NRG3: variants seen among roughly 807,000 people sequenced by gnomAD.
NRG3 encodes pro-neuregulin-3, membrane-bound isoform.
In NRG3, 31 loss-of-function variants were observed where a neutral mutation model predicts 66.9. The observed-to-expected ratio is 0.46, with a 90% CI of 0.35 to 0.63. NRG3 has a LOEUF of 0.63. Ranked by LOEUF, NRG3 falls within the 20% of genes least tolerant of loss-of-function variation. NRG3 has a pLI of 0.00. For synonymous variants in NRG3, 393 were observed against 359.4 expected (o/e 1.09, Z -1.06); for missense variants, 910 against 878.9 (o/e 1.04, Z -0.45).
chr10:81,958,662 G>A (rs1486998028), intron 1 of NRG3, among the ~76,000 whole-genome samples: 3 of 152,170 alleles, frequency 2.0e-5, no homozygotes, highest in African/African-American at 7.2e-5. Flanking sequence ...CGCCGAGGTG[G>A]GTGGATCACC....
At chr10:81,877,783 T>G (rs1841807303) in intron 1 of NRG3, 1 of 1,371,232 alleles carries the variant, frequency 7.3e-7, no homozygotes, top group African/African-American at 1.5e-5. Context: ...CAGTCATTTT[T>G]GAGAGCACAT....
At chr10:82,402,103 A>G (rs1053806182) in intron 2 of NRG3, among the ~76,000 whole-genome samples, 2 of 152,142 alleles carry the variant, frequency 1.3e-5, no homozygotes, top group Non-Finnish European at 2.9e-5. Flanking sequence ...ATCTTTAGAA[A>G]GAAAGCATTT....
chr10:81,912,424 G>T (rs1333664858), intron 1 of NRG3, among the ~76,000 whole-genome samples: 1 of 152,136 alleles, frequency 6.6e-6, no homozygotes, highest in East Asian at 1.9e-4. Context: ...GTCTCCTTAT[G>T]TTTCCCAGGC....
intron 1 of NRG3, among the ~76,000 whole-genome samples, chr10:82,012,210 A>G (rs1266545988): frequency 6.6e-6 from 1 of 152,160 alleles, no homozygotes. Context: ...GGAAGCTGCC[A>G]TGGCTTGGGA....
intron 1 of NRG3, among the ~76,000 whole-genome samples, chr10:82,156,631 C>T (rs1328344492): frequency 6.6e-6 from 1 of 151,540 alleles, no homozygotes; most frequent in Non-Finnish European, 1.5e-5. Context: ...AGTGAATTTC[C>T]AGAATTGGAA....
intron 1 of NRG3, among the ~76,000 whole-genome samples, chr10:82,013,841 A>T (rs1233448805): frequency 1.3e-5 from 2 of 152,208 alleles, no homozygotes; most frequent in African/African-American, 4.8e-5. Context: ...TCTAAAAAGA[A>T]CAAAAATAAT....
At chr10:82,321,392 G>A (rs192589256) in intron 1 of NRG3, among the ~76,000 whole-genome samples, 10 of 152,140 alleles carry the variant, frequency 6.6e-5, no homozygotes, top group Admixed American at 2.0e-4. Context: ...CAAAACCTGC[G>A]TTGAGCACCT....
intron 2 of NRG3, among the ~76,000 whole-genome samples, chr10:82,717,261 A>G (rs2057028210): frequency 6.6e-6 from 1 of 152,138 alleles, no homozygotes; most frequent in Non-Finnish European, 1.5e-5. Context: ...AATTTTTTAT[A>G]GTGAAAAGTG....
At chr10:82,702,584 G>A (rs2055968133) in intron 2 of NRG3, among the ~76,000 whole-genome samples, 1 of 152,140 alleles carries the variant, frequency 6.6e-6, no homozygotes, top group South Asian at 2.1e-4. Context: ...TGAGAAGTTG[G>A]AGTGAGGCAG....
intron 2 of NRG3, among the ~76,000 whole-genome samples, chr10:82,545,783 C>CTTTT (rs1002975772): frequency 2.2e-4 from 20 of 91,444 alleles, no homozygotes; most frequent in Non-Finnish European, 2.9e-4. Flanking sequence ...AATATCAACT[C>CTTTT]TTTTTTTTTT....
intron 4 of NRG3, among the ~76,000 whole-genome samples, chr10:82,879,048 CCTCT>C (rs1459299489): frequency 2.0e-5 from 3 of 152,166 alleles, no homozygotes; most frequent in Non-Finnish European, 4.4e-5. Flanking sequence ...AGAGACTTAG[CCTCT>C]CTATTTTATG....
chr10:81,926,825 T>A (rs2132938327), intron 1 of NRG3, among the ~76,000 whole-genome samples: 1 of 152,314 alleles, frequency 6.6e-6, no homozygotes, highest in South Asian at 2.1e-4. Flanking sequence ...TGACTGCCAC[T>A]TATTAGTCAC....
At chr10:82,539,888 TC>T (rs2043414105) in intron 2 of NRG3, among the ~76,000 whole-genome samples, 1 of 152,176 alleles carries the variant, frequency 6.6e-6, no homozygotes, top group Admixed American at 6.5e-5. Context: ...CACCTTGGCC[TC>T]GCAAAGTGCT....
chr10:82,883,804 A>C (rs1451153434), intron 4 of NRG3, among the ~76,000 whole-genome samples: 4 of 152,162 alleles, frequency 2.6e-5, no homozygotes, highest in Non-Finnish European at 4.4e-5. Flanking sequence ...CTTAGTTGAG[A>C]GAATGCATGT....
intron 1 of NRG3, among the ~76,000 whole-genome samples, chr10:82,257,219 C>T (rs2077778930): frequency 6.6e-6 from 1 of 152,092 alleles, no homozygotes; most frequent in South Asian, 2.1e-4. Context: ...GCGTACCTCT[C>T]TGGAAGGTCT....
At chr10:82,165,190 T>G (rs1485083945) in intron 1 of NRG3, among the ~76,000 whole-genome samples, 1 of 152,144 alleles carries the variant, frequency 6.6e-6, no homozygotes, top group Non-Finnish European at 1.5e-5. Flanking sequence ...GTGGTAGCTT[T>G]TCAATAAATC....
At chr10:82,739,320 T>G (rs1008651632) in intron 3 of NRG3, among the ~76,000 whole-genome samples, 3 of 152,236 alleles carry the variant, frequency 2.0e-5, no homozygotes, top group African/African-American at 7.2e-5. Context: ...ATGTTTATCT[T>G]TAAAGAATTC....
At chr10:82,373,126 A>G (rs1351438086) in intron 2 of NRG3, among the ~76,000 whole-genome samples, 4 of 152,180 alleles carry the variant, frequency 2.6e-5, no homozygotes, top group Non-Finnish European at 5.9e-5. Flanking sequence ...GGTAACTGTA[A>G]AGGATGTACC....
intron 2 of NRG3, among the ~76,000 whole-genome samples, chr10:82,646,198 G>A (rs532403316): frequency 2.6e-5 from 4 of 152,042 alleles, no homozygotes; most frequent in Non-Finnish European, 4.4e-5. Flanking sequence ...GAGAAACATC[G>A]TAAACAAAAG....
Sources: gnomAD v4.1 joint callset for allele counts (sites outside exome capture counted in the v4.1 genomes callset) on GRCh38, gnomAD v4.1.1 for gene constraint, MANE v1.5 for transcripts, NCBI Gene and HGNC (gene_info 2026-07-23, HGNC 2026-07-21) for gene names.